RNF6: variants seen among roughly 807,000 people sequenced by gnomAD.
RNF6 encodes ring finger protein 6, also known as E3 ubiquitin-protein ligase RNF6.
Under a neutral mutation model 50.1 loss-of-function variants are expected in RNF6, and 21 were observed. The ratio of observed to expected loss-of-function variants is 0.42; its 90% CI spans 0.30 to 0.60. The LOEUF (loss-of-function observed/expected upper bound fraction) is 0.60, where lower values mean the gene tolerates loss of function less well. RNF6 is among the 20% of genes least tolerant of loss of function. The pLI is 0.20. For missense variants in RNF6, 698 were observed against 838.2 expected (o/e 0.83, Z 2.07); for synonymous variants, 255 against 291.8 (o/e 0.87, Z 1.29).
At chr13:26,180,643 G>A (rs1232117778) in intron 5 of RNF6, among the ~76,000 whole-genome samples, 1 of 152,200 alleles carries the variant, frequency 6.6e-6, no homozygotes, top group African/African-American at 2.4e-5. Flanking sequence ...GTCTGTCTCT[G>A]ACTTTATGTC....
chr13:26,154,514 C>T (rs901054071), intron 5 of RNF6, among the ~76,000 whole-genome samples: 7 of 152,114 alleles, frequency 4.6e-5, no homozygotes, highest in Admixed American at 4.6e-4. Flanking sequence ...ATGATTGAGA[C>T]CATTTGTTCA....
In RNF6 at chr13:26,213,679, G is replaced by A; in HGVS notation, c.*145C>T. On this transcript the variant is annotated 3_prime_UTR_variant, in exon 5 of 5. Transcript: ENST00000381588. Reference sequence around the variant, plus strand: ...TTTTATATAAATTTCTTTTTAACAAGTTTAAAAAAGCACACGAAAAATAGT... The same window carrying A: ...TTTTATATAAATTTCTTTTTAACAAATTTAAAAAAGCACACGAAAAATAGT... The A allele has an allele frequency of 1.9e-6, 1 of 516,088 alleles. No individual in the cohort carries two copies. 32.0% of individuals were successfully genotyped at this position (516,088 alleles called of 1,614,324 possible). A position where few individuals can be genotyped will look rare whatever the true frequency, so the allele number is the denominator to read the frequency against.
intron 5 of RNF6, among the ~76,000 whole-genome samples, chr13:26,198,050 TATACATAC>T (rs149442560): frequency 6.6e-6 from 1 of 150,984 alleles, no homozygotes; most frequent in South Asian, 2.1e-4. Flanking sequence ...GATGTGTATA[TATACATAC>T]ATACATACAT....
rs773535570 is a variant in RNF6, at chr13:26,218,508, T to C, written c.289+3A>G. ...GTTCCTTATGGAAAGGACTCCATAG[T>C]ACCTCTGTAATTCGTTCCATCTCTC... On this transcript the variant is annotated splice_donor_region_variant and intron_variant, in intron 4 of 4. Coordinates refer to ENST00000381588, the MANE Select transcript of RNF6 (RefSeq NM_005977.4). 1.2e-6 allele frequency: 2 copies of C among 1,610,052 alleles called. No homozygotes were observed. Among genetic ancestry groups the C allele is most frequent in the African/African-American group, 1.3e-5 (1 of 74,844 alleles).
chr13:26,218,679 A>T (rs1320918733), intron 3 of RNF6, 73 bp from the exon 4 acceptor site: 3 of 1,095,506 alleles, frequency 2.7e-6, no homozygotes, highest in African/African-American at 1.5e-5. Context: ...GGGTAAGACT[A>T]ATCTTTAGTA....
intron 4 of RNF6, among the ~76,000 whole-genome samples, chr13:26,215,937 A>G (rs1428256411): frequency 6.6e-6 from 1 of 152,236 alleles, no homozygotes; most frequent in Non-Finnish European, 1.5e-5. Flanking sequence ...AAATTGCTTT[A>G]TCAATATAGT....
chr13:26,222,070 G>A lies in RNF6; in HGVS notation c.-169C>T, dbSNP rs968423162. 1 of 152,404 alleles carries A rather than the reference G, an allele frequency of 6.6e-6. No homozygotes were observed. 9.4% of individuals were successfully genotyped at this position (152,404 alleles called of 1,614,324 possible). A position where few individuals can be genotyped will look rare whatever the true frequency, so the allele number is the denominator to read the frequency against. Reference sequence around the variant, plus strand: ...GTGCTGTGGGCGGCCGTTCTCTCGGGTGCTGGAGGCTGTGGTTGGGAGGCG... The same window carrying A: ...GTGCTGTGGGCGGCCGTTCTCTCGGATGCTGGAGGCTGTGGTTGGGAGGCG... On this transcript the variant is annotated 5_prime_UTR_variant, in exon 1 of 5. Coordinates refer to ENST00000381588, the MANE Select transcript of RNF6 (RefSeq NM_005977.4).
At chr13:26,174,640 G>A (rs1872866069) in intron 5 of RNF6, among the ~76,000 whole-genome samples, 1 of 151,990 alleles carries the variant, frequency 6.6e-6, no homozygotes, top group South Asian at 2.1e-4. Context: ...TTGAAACAAA[G>A]TTACTCACCC....
chr13:26,220,966 GTTATT>G (rs1414284609), intron 2 of RNF6, among the ~76,000 whole-genome samples: 3 of 152,136 alleles, frequency 2.0e-5, no homozygotes, highest in Non-Finnish European at 2.9e-5. Flanking sequence ...TTTCACTGTG[GTTATT>G]TTATTATGTC....
At position 26,218,596 on chromosome 13, in the gene RNF6, T is replaced by C. The variant is rs1347400606; in HGVS notation, c.204A>G (p.Thr68=). 1 of 1,613,726 alleles carries C rather than the reference T, an allele frequency of 6.2e-7. No individual in the cohort carries two copies. Among genetic ancestry groups the C allele is most frequent in the Admixed American group, 1.7e-5 (1 of 60,022 alleles). ...HNLLGTPGEI[T]SEELQQRLDG... ...CTAACCGCTGTTGCAGTTCTTCTGA[T>C]GTTATTTCTCCTAAAACAATGAAAA... is the stretch of plus-strand genomic sequence containing the variant. Residue 68 remains threonine (T), a synonymous_variant, in exon 4 of 5, where the codon ACA becomes ACG. Coordinates refer to ENST00000381588, the MANE Select transcript of RNF6 (RefSeq NM_005977.4).
chr13:26,149,307 G>T (rs1334653215), intron 5 of RNF6: 2 of 152,138 alleles, frequency 1.3e-5, no homozygotes, highest in African/African-American at 4.8e-5. Flanking sequence ...GAGGCAGACG[G>T]CCAGGCATGG....
At chr13:26,139,111 T>G (rs761923537) in intron 5 of RNF6, among the ~76,000 whole-genome samples, 3 of 152,162 alleles carry the variant, frequency 2.0e-5, no homozygotes, top group Non-Finnish European at 4.4e-5. Flanking sequence ...AGCCAATGCT[T>G]ACAGATAGCA....
At chr13:26,190,507 G>A (rs1253778979) in intron 5 of RNF6, among the ~76,000 whole-genome samples, 1 of 152,172 alleles carries the variant, frequency 6.6e-6, no homozygotes, top group East Asian at 1.9e-4. Flanking sequence ...CACTGATGTG[G>A]AGGTTGCTGA....
chr13:26,151,617 T>TTTTC (rs1871598222), intron 5 of RNF6, among the ~76,000 whole-genome samples: 1 of 43,548 alleles, frequency 2.3e-5, no homozygotes, highest in Non-Finnish European at 5.4e-5. Flanking sequence ...TTTTTTCTTT[T>TTTTC]TTTCTTTTTT....
At chr13:26,191,285 A>G (rs551899365) in intron 5 of RNF6, among the ~76,000 whole-genome samples, 9 of 152,112 alleles carry the variant, frequency 5.9e-5, no homozygotes, top group Non-Finnish European at 1.2e-4. Flanking sequence ...ATCTAAATGC[A>G]TTCATTCATT....
chr13:26,211,358 A>T (rs1869314205), downstream of RNF6, among the ~76,000 whole-genome samples: 1 of 152,072 alleles, frequency 6.6e-6, no homozygotes, highest in South Asian at 2.1e-4. Context: ...ATATGCCTTT[A>T]TTTTTTCTGT....
intron 5 of RNF6, among the ~76,000 whole-genome samples, chr13:26,169,087 A>T (rs1593162883): frequency 2.0e-5 from 3 of 151,836 alleles, no homozygotes; most frequent in Admixed American, 2.0e-4. Flanking sequence ...AAAAGGCTGC[A>T]CTCCCAGCCA....
chr13:26,220,722 A>G (rs2137802612), intron 2 of RNF6, among the ~76,000 whole-genome samples: 1 of 152,346 alleles, frequency 6.6e-6, no homozygotes, highest in Middle Eastern at 3.4e-3. Flanking sequence ...AATTTCTGGC[A>G]TGTCACTAAA....
At chr13:26,154,830 G>T (rs1312492998) in intron 5 of RNF6, among the ~76,000 whole-genome samples, 8 of 152,108 alleles carry the variant, frequency 5.3e-5, no homozygotes, top group African/African-American at 1.9e-4. Flanking sequence ...AGGAGCTTGA[G>T]ACCAGCCTGG....
Sources: gnomAD v4.1 joint callset for allele counts (sites outside exome capture counted in the v4.1 genomes callset) on GRCh38, gnomAD v4.1.1 for gene constraint, MANE v1.5 for transcripts, NCBI Gene and HGNC (gene_info 2026-07-23, HGNC 2026-07-21) for gene names.